Variants in OSBPL6 observed in about 807,000 individuals in gnomAD.
OSBPL6 encodes the protein oxysterol-binding protein-related protein 6.
A neutral mutation model predicts 125.8 loss-of-function variants in OSBPL6; 49 were observed. The ratio of observed to expected loss-of-function variants is 0.39; its 90% CI spans 0.31 to 0.49. The LOEUF is 0.49. Among genes scored for constraint, OSBPL6 ranks in the 20% least tolerant of loss-of-function variants. The probability of loss-of-function intolerance (pLI) is 0.88; values close to 1 mark genes in which losing one functional copy is unlikely to be tolerated. For missense variants in OSBPL6, 986 were observed against 1,135.4 expected, an observed-to-expected ratio of 0.87 and a Z score of 1.89; for synonymous variants, 394 against 391.8, an observed-to-expected ratio of 1.01 and a Z score of -0.07.
intron 1 of OSBPL6, among the ~76,000 whole-genome samples, chr2:178,249,626 C>T (rs993809484): frequency 6.6e-6 from 1 of 152,126 alleles, no homozygotes; most frequent in African/African-American, 2.4e-5. Flanking sequence ...TTCATCTTTG[C>T]TTTGCGTTTA....
chr2:178,225,794 A>G (rs1279301871), intron 1 of OSBPL6, among the ~76,000 whole-genome samples: 1 of 152,212 alleles, frequency 6.6e-6, no homozygotes, highest in Admixed American at 6.5e-5. Context: ...CCCATTCAGT[A>G]TCATGATAAC....
At position 178,354,947 on chromosome 2, in the gene OSBPL6, C is replaced by T. The variant is rs192064541; in HGVS notation, c.1153+5558C>T. 9.5e-3 allele frequency among the ~76,000 whole-genome samples: 1,444 copies of T among 152,328 alleles called. 40 individuals carry two copies. Among genetic ancestry groups the T allele is most frequent in the Non-Finnish European group, 0.011 (725 of 68,032 alleles). ...ATTAAGAAACTCACTCAAAACCGCACAACTACATGGAAACTGAACAACCTG... is the reference window on the plus strand; with the variant it reads ...ATTAAGAAACTCACTCAAAACCGCATAACTACATGGAAACTGAACAACCTG... On this transcript the variant is annotated intron_variant, in intron 12 of 24. Coordinates refer to ENST00000190611, the MANE Select transcript of OSBPL6 (RefSeq NM_032523.4).
chr2:178,236,343 A>G (rs1432305744), intron 1 of OSBPL6, among the ~76,000 whole-genome samples: 1 of 152,206 alleles, frequency 6.6e-6, no homozygotes, highest in Non-Finnish European at 1.5e-5. Context: ...TAAAGTTTGG[A>G]TTTCACTTTT....
At chr2:178,214,504 T>C (rs914828772) in intron 1 of OSBPL6, among the ~76,000 whole-genome samples, 8 of 152,226 alleles carry the variant, frequency 5.3e-5, no homozygotes, top group African/African-American at 1.9e-4. Flanking sequence ...TGGAATTCTC[T>C]GGCACAGGGT....
chr2:178,364,106 A>T (rs1341968382), intron 13 of OSBPL6, among the ~76,000 whole-genome samples: 2 of 152,200 alleles, frequency 1.3e-5, no homozygotes, highest in Non-Finnish European at 2.9e-5. Flanking sequence ...ACAAATTGTT[A>T]TTCATGGTTA....
intron 1 of OSBPL6, among the ~76,000 whole-genome samples, chr2:178,260,557 G>A (rs547543776): frequency 1.6e-4 from 25 of 152,176 alleles, no homozygotes; most frequent in Non-Finnish European, 2.9e-4. Context: ...GATGGAAATG[G>A]TATTTCCAGA....
chr2:178,353,742 A>G (rs148733214), intron 12 of OSBPL6, among the ~76,000 whole-genome samples: 4 of 152,198 alleles, frequency 2.6e-5, no homozygotes, highest in Non-Finnish European at 5.9e-5. Context: ...AATACAGAAA[A>G]TGCCACAAAG....
chr2:178,380,456 CAAAAAAAAAA>C (rs60399092), intron 15 of OSBPL6, among the ~76,000 whole-genome samples: 8 of 25,986 alleles, frequency 3.1e-4, no homozygotes, highest in Admixed American at 5.9e-4. Flanking sequence ...GAGTCTGTCT[CAAAAAAAAAA>C]AAAAAAAAAA....
intron 1 of OSBPL6, among the ~76,000 whole-genome samples, chr2:178,208,324 G>T (rs2153949798): frequency 6.6e-6 from 1 of 150,930 alleles, no homozygotes; most frequent in East Asian, 2.0e-4. Context: ...GAAACAAAGT[G>T]CCATCCAATA....
chr2:178,349,638 C>G (rs888724454), intron 12 of OSBPL6, among the ~76,000 whole-genome samples: 1 of 152,074 alleles, frequency 6.6e-6, no homozygotes, highest in Non-Finnish European at 1.5e-5. Context: ...AGTTATTGTA[C>G]GCAATCTGGC....
chr2:178,207,380 A>G (rs2089595185), intron 1 of OSBPL6, among the ~76,000 whole-genome samples: 2 of 152,062 alleles, frequency 1.3e-5, no homozygotes, highest in Admixed American at 1.3e-4. Context: ...GATACATGTA[A>G]TTGTATTTAG....
chr2:178,360,136 T>C (rs1347771634), intron 12 of OSBPL6, among the ~76,000 whole-genome samples: 1 of 152,036 alleles, frequency 6.6e-6, no homozygotes, highest in Non-Finnish European at 1.5e-5. Flanking sequence ...ATCTCACTTA[T>C]ATATGGAAAC....
Position 178,392,489 on chromosome 2 carries a change from C to G in OSBPL6, c.2524C>G (p.Leu842Val), listed in dbSNP as rs1559332128. ...AIELNELDPVLKDLLPPTDAR... is the reference protein window; with the variant it reads ...AIELNELDPVVKDLLPPTDAR... ...TGAGCTCAATGAGTTAGATCCAGTA[C>G]TAAAAGATCTCCTTCCACCAACAGA... Residue 842 changes from leucine to valine, a missense_variant, in exon 23 of 25, where the codon CTA (leucine) becomes GTA (valine). Leu to Val is a conservative substitution (Grantham distance 32, BLOSUM62 1). Transcript: ENST00000190611. 1 of 1,614,088 alleles carries G rather than the reference C, an allele frequency of 6.2e-7. No homozygotes were observed. The highest frequency in any genetic ancestry group is 2.2e-5 in the East Asian group (1 of 44,882).
chr2:178,310,411 TC>T (rs1687157757), intron 3 of OSBPL6, among the ~76,000 whole-genome samples: 1 of 122,974 alleles, frequency 8.1e-6, no homozygotes. Context: ...AAAACTGAAC[TC>T]TTTTTTTTTT....
At chr2:178,323,040 A>G (rs1427711193) in intron 3 of OSBPL6, among the ~76,000 whole-genome samples, 1 of 152,108 alleles carries the variant, frequency 6.6e-6, no homozygotes, top group East Asian at 1.9e-4. Flanking sequence ...TGCTTTCATA[A>G]TGTGCCAAGA....
chr2:178,238,912 C>T (rs1160788016), intron 1 of OSBPL6, among the ~76,000 whole-genome samples: 1 of 152,208 alleles, frequency 6.6e-6, no homozygotes, highest in African/African-American at 2.4e-5. Context: ...TATCCCCTCT[C>T]CCGCCTGTTA....
chr2:178,233,543 C>G (rs2090924916), intron 1 of OSBPL6, among the ~76,000 whole-genome samples: 1 of 152,178 alleles, frequency 6.6e-6, no homozygotes, highest in African/African-American at 2.4e-5. Context: ...TGTTTAGTGT[C>G]AGATTAAAAA....
intron 16 of OSBPL6, chr2:178,382,821 T>C: frequency 1.4e-6 from 2 of 1,398,240 alleles, no homozygotes; most frequent in Non-Finnish European, 1.9e-6. Context: ...GTGTATCTAA[T>C]GCCTTATTTA....
intron 2 of OSBPL6, among the ~76,000 whole-genome samples, chr2:178,291,409 G>T (rs1685249397): frequency 6.6e-6 from 1 of 152,132 alleles, no homozygotes; most frequent in Non-Finnish European, 1.5e-5. Context: ...CATCATGCAG[G>T]TCCAGAAACA....
Sources: gnomAD v4.1 joint callset for allele counts (sites outside exome capture counted in the v4.1 genomes callset) on GRCh38, gnomAD v4.1.1 for gene constraint, MANE v1.5 for transcripts, NCBI Gene and HGNC (gene_info 2026-07-23, HGNC 2026-07-21) for gene names.